The following ATXN7 variants were observed in gnomAD, a reference collection of about 807,000 sequenced individuals.
ATXN7 encodes the protein ataxin 7, also known as ataxin-7.
In ATXN7, 12 loss-of-function variants were observed where a neutral mutation model predicts 70.5. That is an observed-to-expected ratio of 0.17 (90% CI 0.11 to 0.28). The LOEUF (loss-of-function observed/expected upper bound fraction) is 0.28, where lower values mean the gene tolerates loss of function less well. Ranked by LOEUF, ATXN7 falls within the 10% of genes least tolerant of loss-of-function variation. The probability of loss-of-function intolerance (pLI) is 1.00; values close to 1 mark genes in which losing one functional copy is unlikely to be tolerated. For missense variants in ATXN7, 1,256 were observed against 1,131.7 expected (o/e 1.11, Z -1.58); for synonymous variants, 498 against 448.7 (o/e 1.11, Z -1.39).
At chr3:63,980,274 G>C in intron 6 of ATXN7, 107 bp downstream of exon 6, 1 of 1,419,594 alleles carries the variant, frequency 7.0e-7, no homozygotes, top group Non-Finnish European at 9.6e-7. Flanking sequence ...GAGTCTACTT[G>C]GGGAAGAATT....
chr3:63,936,790 C>T (rs1304429936), intron 4 of ATXN7, among the ~76,000 whole-genome samples: 1 of 152,184 alleles, frequency 6.6e-6, no homozygotes, highest in Non-Finnish European at 1.5e-5. Flanking sequence ...ATAATGATCT[C>T]TCCTTGAATA....
At chr3:63,865,827 G>A (rs62250880) in intron 1 of ATXN7, among the ~76,000 whole-genome samples, 1 of 143,936 alleles carries the variant, frequency 6.9e-6, no homozygotes, top group Non-Finnish European at 1.5e-5. Flanking sequence ...CCCGGGAGGC[G>A]GAGCTTGCAG....
At chr3:63,982,792 ACGT>A (rs2075511901) in intron 7 of ATXN7, 144 bp from the exon 8 acceptor site, 1 of 653,888 alleles carries the variant, frequency 1.5e-6, no homozygotes, top group South Asian at 1.9e-5. Context: ...CAGCACTCAC[ACGT>A]TGTATATTTT....
intron 11 of ATXN7, among the ~76,000 whole-genome samples, chr3:63,991,540 C>CAGA (rs2063728992): frequency 6.6e-6 from 1 of 151,968 alleles, no homozygotes; most frequent in Non-Finnish European, 1.5e-5. Context: ...GGGTTCTGGG[C>CAGA]AGAAGGAAGC....
intron 4 of ATXN7, 34 bp downstream of exon 4, chr3:63,913,259 A>G (rs749941753): frequency 1.3e-6 from 2 of 1,593,066 alleles, no homozygotes; most frequent in South Asian, 2.2e-5. Context: ...GTTTGTACAA[A>G]CCCCTGGGAA....
chr3:63,985,662 C>T (rs1365889392), intron 8 of ATXN7, among the ~76,000 whole-genome samples: 1 of 152,194 alleles, frequency 6.6e-6, no homozygotes, highest in Non-Finnish European at 1.5e-5. Flanking sequence ...TCCCATTACT[C>T]ATTCTCTGTT....
intron 5 of ATXN7, among the ~76,000 whole-genome samples, chr3:63,977,482 C>A (rs911743165): frequency 6.6e-6 from 1 of 152,042 alleles, no homozygotes; most frequent in Non-Finnish European, 1.5e-5. Context: ...ACATGCTGTT[C>A]CTTTAGTGCA....
intron 4 of ATXN7, among the ~76,000 whole-genome samples, chr3:63,934,385 A>G (rs954614023): frequency 2.0e-5 from 3 of 151,986 alleles, no homozygotes; most frequent in Admixed American, 6.6e-5. Flanking sequence ...GTTTTTGTTT[A>G]TGCTTATGGG....
intron 4 of ATXN7, among the ~76,000 whole-genome samples, chr3:63,918,912 C>T (rs1341549896): frequency 6.6e-6 from 1 of 152,164 alleles, no homozygotes; most frequent in East Asian, 1.9e-4. Flanking sequence ...TTAAGAAACA[C>T]CTCCATAGAT....
At chr3:63,916,864 A>T in intron 4 of ATXN7, among the ~76,000 whole-genome samples, 1 of 152,038 alleles carries the variant, frequency 6.6e-6, no homozygotes, top group Non-Finnish European at 1.5e-5. Context: ...TGTTAGCATG[A>T]TTAATTTTGG....
intron 4 of ATXN7, among the ~76,000 whole-genome samples, chr3:63,929,116 A>G (rs910342677): frequency 2.0e-5 from 3 of 152,192 alleles, no homozygotes; most frequent in African/African-American, 7.2e-5. Context: ...CAATTCAGAA[A>G]TTAAACATAA....
chr3:63,872,144 G>A (rs1470360840), intron 1 of ATXN7, among the ~76,000 whole-genome samples: 4 of 150,644 alleles, frequency 2.7e-5, no homozygotes, highest in South Asian at 2.1e-4. Flanking sequence ...ACCACATCTG[G>A]CTGTGACATA....
At chr3:63,885,202 T>C (rs1190075310) in intron 1 of ATXN7, among the ~76,000 whole-genome samples, 1 of 152,104 alleles carries the variant, frequency 6.6e-6, no homozygotes, top group Non-Finnish European at 1.5e-5. Flanking sequence ...GGAGAAAATA[T>C]TTGCAAACCA....
intron 1 of ATXN7, among the ~76,000 whole-genome samples, chr3:63,880,918 A>G (rs1020303418): frequency 6.6e-6 from 1 of 152,206 alleles, no homozygotes; most frequent in Non-Finnish European, 1.5e-5. Context: ...AGTGCTGAGC[A>G]TGGCGCTCAA....
chr3:63,906,652 G>C (rs184153175), intron 2 of ATXN7, among the ~76,000 whole-genome samples: 1 of 152,346 alleles, frequency 6.6e-6, no homozygotes, highest in African/African-American at 2.4e-5. Flanking sequence ...GTTCAGGAAA[G>C]AGTTTGTTAA....
intron 4 of ATXN7, among the ~76,000 whole-genome samples, chr3:63,941,561 G>C (rs2074769345): frequency 6.6e-6 from 1 of 152,148 alleles, no homozygotes; most frequent in African/African-American, 2.4e-5. Context: ...CTGTTCCCTG[G>C]TGCCAGAAAG....
At chr3:63,907,657 C>T (rs1703886994) in intron 2 of ATXN7, among the ~76,000 whole-genome samples, 2 of 150,024 alleles carry the variant, frequency 1.3e-5, no homozygotes, top group South Asian at 4.2e-4. Context: ...AGAGACTATG[C>T]CTCACTGTGT....
chr3:63,997,739 A>C, intron 12 of ATXN7: 3 of 1,543,896 alleles, frequency 1.9e-6, no homozygotes, highest in Non-Finnish European at 2.6e-6. Flanking sequence ...TCAGAACTTA[A>C]CTCAAATGCC....
chr3:63,895,732 C>CT (rs1287540622), intron 1 of ATXN7, among the ~76,000 whole-genome samples: 1 of 151,760 alleles, frequency 6.6e-6, no homozygotes, highest in Non-Finnish European at 1.5e-5. Flanking sequence ...TTCCTTTCTC[C>CT]TTTTCTCTCT....
Sources: allele counts gnomAD v4.1 joint callset (sites outside exome capture counted in the v4.1 genomes callset), GRCh38; gene constraint gnomAD v4.1.1; transcripts MANE v1.5; gene names NCBI Gene and HGNC (gene_info 2026-07-23, HGNC 2026-07-21).